Variants in GALNT14 observed in about 807,000 individuals in gnomAD.
GALNT14 encodes UDP-GalNAc:polypeptide N-acetylgalactosaminyltransferase 14.
In GALNT14, 60 loss-of-function variants were observed where a neutral mutation model predicts 77.5. That is an observed-to-expected ratio of 0.77 (90% CI 0.63 to 0.96). The LOEUF is 0.96. Among genes scored for constraint, GALNT14 ranks in the 40% least tolerant of loss-of-function variants. The pLI is 0.00. For missense variants in GALNT14, 710 were observed against 731.0 expected, an observed-to-expected ratio of 0.97 and a Z score of 0.33; for synonymous variants, 280 against 281.7, an observed-to-expected ratio of 0.99 and a Z score of 0.06.
intron 13 of GALNT14, among the ~76,000 whole-genome samples, chr2:30,916,525 A>C (rs1664688059): frequency 6.6e-6 from 1 of 152,110 alleles, no homozygotes; most frequent in African/African-American, 2.4e-5. Flanking sequence ...GCTGAGGAGG[A>C]GGGGAGTCAC....
At chr2:30,983,813 G>GCACACACA (rs150080402) in intron 2 of GALNT14, among the ~76,000 whole-genome samples, 2 of 54,830 alleles carry the variant, frequency 3.6e-5, no homozygotes, top group South Asian at 7.3e-4. Context: ...ACACACGTAT[G>GCACACACA]CACACACACA....
rs147148944 is a variant in GALNT14 at position 30,926,083 on chromosome 2, C to T, written c.1152-1260G>A. ...CCTTCCACTCCCCACCTCAAGATTG[C>T]ACTATAACTTCTTCTTACAGAGCAC... On this transcript the variant is annotated intron_variant, in intron 11 of 14. Transcript: ENST00000349752. Among the ~76,000 whole-genome samples, 546 of 152,328 alleles carry T rather than the reference C, an allele frequency of 3.6e-3. 5 individuals are homozygous for T. Among genetic ancestry groups the T allele is most frequent in the Admixed American group, 9.7e-3 (149 of 15,300 alleles).
intron 1 of GALNT14, among the ~76,000 whole-genome samples, chr2:31,048,416 G>A (rs116131256): frequency 0.018 from 2,696 of 152,284 alleles, 81 homozygotes; most frequent in African/African-American, 0.059. Context: ...AGGAAGACAG[G>A]GCTCTACTTC....
chr2:31,075,877 T>A (rs1268134008), intron 1 of GALNT14, among the ~76,000 whole-genome samples: 1 of 152,152 alleles, frequency 6.6e-6, no homozygotes, highest in African/African-American at 2.4e-5. Flanking sequence ...GAAAGAAATC[T>A]CTCTAAAGCA....
At chr2:31,020,897 C>T (rs1325799930) in intron 1 of GALNT14, among the ~76,000 whole-genome samples, 1 of 152,200 alleles carries the variant, frequency 6.6e-6, no homozygotes, top group Non-Finnish European at 1.5e-5. Context: ...TTCTATAATG[C>T]CAATTACATG....
intron 1 of GALNT14, among the ~76,000 whole-genome samples, chr2:31,104,364 T>C (rs757706100): frequency 2.6e-5 from 4 of 152,186 alleles, no homozygotes; most frequent in South Asian, 2.1e-4. Context: ...GAAACAGATA[T>C]ACATTTTTGT....
intron 1 of GALNT14, among the ~76,000 whole-genome samples, chr2:31,035,091 A>G (rs1422582911): frequency 6.6e-6 from 1 of 152,214 alleles, no homozygotes; most frequent in East Asian, 1.9e-4. Flanking sequence ...CTGTTCTATA[A>G]GTATCTATTA....
chr2:30,963,708 A>G (rs1667827505), intron 3 of GALNT14, among the ~76,000 whole-genome samples: 1 of 152,216 alleles, frequency 6.6e-6, no homozygotes, highest in African/African-American at 2.4e-5. Flanking sequence ...AGTTAATAAC[A>G]TGCCCCAGGG....
At chr2:30,969,032 A>G (rs1668185037) in intron 2 of GALNT14, among the ~76,000 whole-genome samples, 1 of 152,172 alleles carries the variant, frequency 6.6e-6, no homozygotes, top group South Asian at 2.1e-4. Flanking sequence ...GGAGAGGCCC[A>G]GGCAGAGGGG....
At chr2:31,094,356 C>T (rs1676900406) in intron 1 of GALNT14, among the ~76,000 whole-genome samples, 1 of 152,240 alleles carries the variant, frequency 6.6e-6, no homozygotes, top group South Asian at 2.1e-4. Flanking sequence ...TTTGCTGACT[C>T]TCTTTTTGGA....
intron 1 of GALNT14, among the ~76,000 whole-genome samples, chr2:31,091,439 G>GT (rs957487389): frequency 1.1e-4 from 16 of 152,162 alleles, no homozygotes; most frequent in African/African-American, 4.8e-5. Context: ...TTACTAATTA[G>GT]TTTTTTAACA....
intron 1 of GALNT14, among the ~76,000 whole-genome samples, chr2:31,137,175 G>C (rs1008728175): frequency 6.6e-6 from 1 of 152,224 alleles, no homozygotes; most frequent in Non-Finnish European, 1.5e-5. Context: ...TTTGTCAACT[G>C]ATTTTCAGTG....
intron 1 of GALNT14, among the ~76,000 whole-genome samples, chr2:31,092,290 A>G (rs1676786178): frequency 6.7e-6 from 1 of 150,256 alleles, no homozygotes; most frequent in African/African-American, 2.5e-5. Context: ...TATATCTCCT[A>G]TTAGTTCTGT....
chr2:31,114,252 T>C (rs1369010488), intron 1 of GALNT14, among the ~76,000 whole-genome samples: 1 of 150,892 alleles, frequency 6.6e-6, no homozygotes, highest in African/African-American at 2.4e-5. Flanking sequence ...TGAAGGCAGC[T>C]GGTCCTAAGC....
intron 1 of GALNT14, among the ~76,000 whole-genome samples, chr2:31,118,905 C>T (rs1678247860): frequency 1.3e-5 from 2 of 151,912 alleles, no homozygotes; most frequent in Admixed American, 1.3e-4. Context: ...AATGGAGTTC[C>T]CAGAACTAGA....
chr2:31,127,026 C>G (rs1421324731), intron 1 of GALNT14, among the ~76,000 whole-genome samples: 1 of 152,178 alleles, frequency 6.6e-6, no homozygotes, highest in Non-Finnish European at 1.5e-5. Flanking sequence ...GAGCCACACA[C>G]TCAGTTCAGA....
At chr2:31,014,154 A>T (rs2148447026) in intron 1 of GALNT14, among the ~76,000 whole-genome samples, 1 of 152,346 alleles carries the variant, frequency 6.6e-6, no homozygotes, top group Non-Finnish European at 1.5e-5. Context: ...GGGTTTTAAG[A>T]ATTAAATGAA....
chr2:31,108,411 C>G (rs779047747), intron 1 of GALNT14, among the ~76,000 whole-genome samples: 1 of 152,200 alleles, frequency 6.6e-6, no homozygotes, highest in Non-Finnish European at 1.5e-5. Context: ...ACACGTCACC[C>G]GCTCAATTAC....
At position 31,093,439 on chromosome 2, in the gene GALNT14, C is replaced by A. The variant is rs371242138; in HGVS notation, c.129+44519G>T. ...TGGAACAAGACTCAGATCTTGACAA[C>A]CTGGCCAGTGTCCTCAGTCTCTTCC... On this transcript the variant is annotated intron_variant, in intron 1 of 14. Transcript: ENST00000349752. 4.5e-4 allele frequency among the ~76,000 whole-genome samples: 68 copies of A among 152,292 alleles called. 2 individuals carry two copies. The highest frequency in any genetic ancestry group is 3.9e-3 in the South Asian group (19 of 4,824).
Sources: allele counts gnomAD v4.1 joint callset (sites outside exome capture counted in the v4.1 genomes callset), GRCh38; gene constraint gnomAD v4.1.1; transcripts MANE v1.5; gene names NCBI Gene and HGNC (gene_info 2026-07-23, HGNC 2026-07-21).